Variants in DOCK1 observed in about 807,000 individuals in gnomAD.
DOCK1 encodes dedicator of cytokinesis protein 1.
In DOCK1, 138 loss-of-function variants were observed where a neutral mutation model predicts 262.7. The observed-to-expected ratio is 0.53, with a 90% CI of 0.46 to 0.61. DOCK1 has a LOEUF of 0.61. Among genes scored for constraint, DOCK1 ranks in the 20% least tolerant of loss-of-function variants. The pLI is 0.00. For synonymous variants in DOCK1, 866 were observed against 867.4 expected (o/e 1.00, Z 0.03); for missense variants, 1,908 against 2,370.7 (o/e 0.80, Z 4.05).
chr10:127,302,474 G>A (rs1014304801), intron 29 of DOCK1, among the ~76,000 whole-genome samples: 1 of 152,142 alleles, frequency 6.6e-6, no homozygotes, highest in Non-Finnish European at 1.5e-5. Context: ...GAAAGCTATG[G>A]TTGCTTTCCA....
intron 47 of DOCK1, among the ~76,000 whole-genome samples, chr10:127,427,423 A>C (rs1336579877): frequency 2.0e-5 from 3 of 152,222 alleles, no homozygotes; most frequent in Non-Finnish European, 4.4e-5. Flanking sequence ...GATCTCAATA[A>C]GCAAACAGTA....
At chr10:127,004,539 G>T (rs541322340) in intron 10 of DOCK1, among the ~76,000 whole-genome samples, 2 of 151,944 alleles carry the variant, frequency 1.3e-5, no homozygotes, top group South Asian at 2.1e-4. Flanking sequence ...TTGAGCCCAG[G>T]CATTCAAGAC....
At chr10:127,348,971 T>C (rs910478860) in intron 31 of DOCK1, among the ~76,000 whole-genome samples, 4 of 152,166 alleles carry the variant, frequency 2.6e-5, no homozygotes, top group African/African-American at 9.7e-5. Flanking sequence ...AATTCACTTA[T>C]TAGAAGGAGA....
chr10:127,356,623 G>A (rs532330276), intron 32 of DOCK1, among the ~76,000 whole-genome samples: 5 of 152,142 alleles, frequency 3.3e-5, no homozygotes, highest in African/African-American at 9.6e-5. Flanking sequence ...AGAGAGAGAG[G>A]CAGGAGACGG....
intron 27 of DOCK1, among the ~76,000 whole-genome samples, chr10:127,149,676 A>G (rs2052293482): frequency 6.8e-6 from 1 of 148,016 alleles, no homozygotes; most frequent in African/African-American, 2.4e-5. Context: ...ATTTCCCTCC[A>G]GGGCTTTTGG....
At chr10:127,055,730 G>T (rs1390843843) in intron 22 of DOCK1, among the ~76,000 whole-genome samples, 1 of 152,156 alleles carries the variant, frequency 6.6e-6, no homozygotes, top group Non-Finnish European at 1.5e-5. Context: ...GTCAATCTCT[G>T]AGACTTCTGT....
intron 38 of DOCK1, among the ~76,000 whole-genome samples, chr10:127,393,866 T>C (rs190454198): frequency 6.8e-4 from 104 of 151,970 alleles, no homozygotes; most frequent in Non-Finnish European, 1.2e-3. Flanking sequence ...CCATTTTCAT[T>C]CTTTTACGTT....
At chr10:127,157,477 C>T (rs2053194770) in intron 27 of DOCK1, among the ~76,000 whole-genome samples, 1 of 152,232 alleles carries the variant, frequency 6.6e-6, no homozygotes, top group Admixed American at 6.5e-5. Context: ...CATGGAAACA[C>T]TTCTTGACTT....
rs2047060414 is a variant in DOCK1 at position 127,084,053 on chromosome 10, GC to G, written c.2446-22177del. On this transcript the variant is annotated intron_variant, in intron 23 of 51. Transcript: ENST00000623213. Reference sequence around the variant, plus strand: ...AAATCCCATTATTTAATATTGTTCTGCAATTTGATGATTAAAGAATTGTTAT... The same window carrying G: ...AAATCCCATTATTTAATATTGTTCTGAATTTGATGATTAAAGAATTGTTAT... Among the ~76,000 whole-genome samples the G allele has an allele frequency of 3.3e-5, 5 of 152,080 alleles. No individual in the cohort carries two copies. The South Asian group carries it at 6.2e-4, about 19-fold the overall frequency.
intron 25 of DOCK1, among the ~76,000 whole-genome samples, chr10:127,118,869 G>C (rs2049353666): frequency 6.6e-6 from 1 of 152,194 alleles, no homozygotes; most frequent in Non-Finnish European, 1.5e-5. Context: ...GACCTACCAA[G>C]GGTAACTTGA....
At chr10:127,422,158 CTTTTTTTT>C (rs35535729) in intron 46 of DOCK1, among the ~76,000 whole-genome samples, 16 of 61,384 alleles carry the variant, frequency 2.6e-4, no homozygotes, top group African/African-American at 1.1e-3. Context: ...TTTTGTTTGT[CTTTTTTTT>C]TTTTTTTTTT....
chr10:127,123,873 C>T (rs761494475), intron 25 of DOCK1, among the ~76,000 whole-genome samples: 2 of 152,180 alleles, frequency 1.3e-5, no homozygotes, highest in Non-Finnish European at 2.9e-5. Flanking sequence ...CAGCTCTTAG[C>T]ACGTCATACA....
intron 1 of DOCK1, among the ~76,000 whole-genome samples, chr10:126,918,029 G>T (rs1393162622): frequency 6.6e-6 from 1 of 152,190 alleles, no homozygotes; most frequent in Non-Finnish European, 1.5e-5. Context: ...CCCATTGAGA[G>T]CTTGTGCTGC....
chr10:127,418,924 G>A (rs778033995), intron 45 of DOCK1, among the ~76,000 whole-genome samples: 15 of 152,210 alleles, frequency 9.9e-5, no homozygotes, highest in South Asian at 2.1e-4. Flanking sequence ...GAGGGGGCCC[G>A]GCCAGCTGGT....
At chr10:127,351,207 T>C (rs1334769743) in intron 31 of DOCK1, among the ~76,000 whole-genome samples, 1 of 152,112 alleles carries the variant, frequency 6.6e-6, no homozygotes, top group Non-Finnish European at 1.5e-5. Context: ...CGATAGGAAG[T>C]GTGCCTCCTA....
At chr10:127,035,447 G>A (rs2043528224) in intron 18 of DOCK1, among the ~76,000 whole-genome samples, 1 of 152,080 alleles carries the variant, frequency 6.6e-6, no homozygotes, top group Admixed American at 6.5e-5. Context: ...ATCTGCCTTG[G>A]GCAGCCTCAT....
At chr10:127,080,653 C>A (rs1314828284) in intron 23 of DOCK1, among the ~76,000 whole-genome samples, 1 of 152,046 alleles carries the variant, frequency 6.6e-6, no homozygotes, top group Non-Finnish European at 1.5e-5. Context: ...AGGAAGGAAA[C>A]CTTGCCTGGG....
chr10:126,905,497 C>G lies in DOCK1; in HGVS notation c.-21C>G, dbSNP rs778345453. ...TAGACGCGGAGTTTCCTGCCCGACCCGCGGCGGCTCCGGCGGCGCCATGAC... is the reference window on the plus strand; with the variant it reads ...TAGACGCGGAGTTTCCTGCCCGACCGGCGGCGGCTCCGGCGGCGCCATGAC... On this transcript the variant is annotated 5_prime_UTR_variant, in exon 1 of 52. Transcript: ENST00000623213. The G allele has an allele frequency of 3.8e-6, 2 of 532,242 alleles. No homozygotes were observed. The highest frequency in any genetic ancestry group is 5.9e-5 in the Admixed American group (2 of 34,160). 33.0% of individuals were successfully genotyped at this position (532,242 alleles called of 1,614,324 possible). A position where few individuals can be genotyped will look rare whatever the true frequency, so the allele number is the denominator to read the frequency against.
intron 2 of DOCK1, among the ~76,000 whole-genome samples, chr10:126,971,091 C>T (rs2038073184): frequency 6.6e-6 from 1 of 151,242 alleles, no homozygotes; most frequent in South Asian, 2.1e-4. Context: ...TGCTCTGTCG[C>T]ACAGGCTGGA....
Sources: gnomAD v4.1 joint callset for allele counts (sites outside exome capture counted in the v4.1 genomes callset) on GRCh38, gnomAD v4.1.1 for gene constraint, MANE v1.5 for transcripts, NCBI Gene and HGNC (gene_info 2026-07-23, HGNC 2026-07-21) for gene names.